Variants in SOX13 observed in about 807,000 individuals in gnomAD.
The protein encoded by SOX13 is SRY-box transcription factor 13.
In SOX13, 28 loss-of-function variants were observed where a neutral mutation model predicts 71.8. The ratio of observed to expected loss-of-function variants is 0.39; its 90% confidence interval spans 0.29 to 0.53. The LOEUF (loss-of-function observed/expected upper bound fraction) is 0.53, where lower values mean the gene tolerates loss of function less well. Among genes scored for constraint, SOX13 ranks in the 20% least tolerant of loss-of-function variants. The pLI, the probability that SOX13 is intolerant of heterozygous loss-of-function variation, is 0.70. For missense variants in SOX13, 627 were observed against 810.3 expected (o/e 0.77, Z 2.75); for synonymous variants, 309 against 317.8 (o/e 0.97, Z 0.29).
chr1:204,124,825 G>A lies in SOX13; in HGVS notation c.1560G>A (p.Arg520=). 6.3e-7 allele frequency: 1 copy of A among 1,579,914 alleles called. No individual in the cohort carries two copies. The highest frequency in any genetic ancestry group is 8.6e-7 in the Non-Finnish European group (1 of 1,163,656). ...AGTACAAGGCCCTGATGAGGACCCG[G>A]CGTCAGGATGCCCGCCAGAGCTACG... ...VGEYKALMRT[R]RQDARQSYVI... Residue 520 remains arginine (R), a synonymous_variant, in exon 13 of 14, where the codon CGG becomes CGA. Transcript: ENST00000367204.
intron 1 of SOX13, among the ~76,000 whole-genome samples, chr1:204,088,434 G>A (rs1034135785): frequency 1.2e-4 from 18 of 152,206 alleles, no homozygotes; most frequent in African/African-American, 4.3e-4. Context: ...GATTTTTCCA[G>A]GGGCTTTGTC....
At chr1:204,092,072 G>C (rs1656156712) in intron 1 of SOX13, among the ~76,000 whole-genome samples, 1 of 151,556 alleles carries the variant, frequency 6.6e-6, no homozygotes, top group Non-Finnish European at 1.5e-5. Flanking sequence ...CTTTGATGTA[G>C]GGTCTTGCTC....
chr1:204,103,094 A>G (rs558412719), intron 1 of SOX13, among the ~76,000 whole-genome samples: 33 of 152,214 alleles, frequency 2.2e-4, no homozygotes, highest in Admixed American at 1.9e-3. Flanking sequence ...CTGAACATAT[A>G]TTCTGTACCA....
At chr1:204,117,747 T>C (rs1259675709) in intron 7 of SOX13, 40 bp downstream of exon 7, 1 of 1,415,482 alleles carries the variant, frequency 7.1e-7, no homozygotes, top group South Asian at 1.2e-5. Context: ...GCGGCCAGCC[T>C]GTCCTGAGGT....
At position 204,105,966 on chromosome 1, in the gene SOX13, C is replaced by T. The variant is rs377663618; in HGVS notation, c.-1-6949C>T. Among the ~76,000 whole-genome samples the T allele has an allele frequency of 1.0e-3, 152 of 152,230 alleles. 3 individuals are homozygous for T. In the East Asian group the frequency reaches 0.013, roughly 13 times the overall value. ...GACCCAGCGTTCTTTGGCTTCTGGG[C>T]ATTTTGGGACAGTGGAGTTTGAGGT... On this transcript the variant is annotated intron_variant, in intron 1 of 13. Transcript: ENST00000367204.
At chr1:204,104,920 G>A (rs1483368393) in intron 1 of SOX13, among the ~76,000 whole-genome samples, 1 of 152,070 alleles carries the variant, frequency 6.6e-6, no homozygotes, top group Non-Finnish European at 1.5e-5. Context: ...AATCCAACAG[G>A]GTCAGTTGTT....
rs1401917613 is a variant in SOX13, at chr1:204,081,534, G to C, written c.-2+7823G>C. On this transcript the variant is annotated intron_variant, in intron 1 of 13. Transcript: ENST00000367204. This position sits in a 1 kb window ranked among gnomAD's most constrained non-coding sequence, Gnocchi z 4.3. ...GGACCCCCTGGCGGGCTCTGGGGGT[G>C]GGGGTTGGGGGGTTGCCTGGGACTC... Among the ~76,000 whole-genome samples the C allele has an allele frequency of 6.6e-6, 1 of 152,170 alleles. No individual in the cohort carries two copies. The highest frequency in any genetic ancestry group is 1.5e-5 in the Non-Finnish European group (1 of 68,036).
chr1:204,103,954 C>T (rs984650186), intron 1 of SOX13, among the ~76,000 whole-genome samples: 2 of 152,222 alleles, frequency 1.3e-5, no homozygotes, highest in Non-Finnish European at 2.9e-5. Flanking sequence ...CTGTCTCTTT[C>T]TCGACCCACT....
rs768551356 is a variant in SOX13, at chr1:204,126,527, C to A, written c.*393C>A. 1.7e-4 allele frequency: 43 copies of A among 252,272 alleles called. No individual in the cohort carries two copies. The highest frequency in any genetic ancestry group is 2.6e-4 in the Non-Finnish European group (34 of 129,192). 15.6% of individuals were successfully genotyped at this position (252,272 alleles called of 1,614,324 possible). The stretch of plus-strand genomic sequence containing the variant: ...CCTGGCTGGACCAGCCACTGTGGGA[C>A]CAACACCCCTCCCACACTCCCCCAG... On this transcript the variant is annotated 3_prime_UTR_variant, in exon 14 of 14. Coordinates refer to ENST00000367204, the MANE Select transcript of SOX13 (RefSeq NM_005686.3).
intron 1 of SOX13, among the ~76,000 whole-genome samples, chr1:204,076,878 G>C (rs186573676): frequency 1.2e-4 from 18 of 152,354 alleles, no homozygotes; most frequent in African/African-American, 4.3e-4. Flanking sequence ...TGGGATAACA[G>C]GGGAGAACAA....
Position 204,123,909 on chromosome 1 carries a change from C to A in SOX13, c.1375+105C>A. 1 of 1,316,030 alleles carries A rather than the reference C, an allele frequency of 7.6e-7. No individual in the cohort carries two copies. Among genetic ancestry groups the A allele is most frequent in the Non-Finnish European group, 1.1e-6 (1 of 949,446 alleles). 81.5% of individuals were successfully genotyped at this position (1,316,030 alleles called of 1,614,324 possible). A position where few individuals can be genotyped will look rare whatever the true frequency, so the allele number is the denominator to read the frequency against. On this transcript the variant is annotated intron_variant, in intron 12 of 13. Coordinates refer to ENST00000367204, the MANE Select transcript of SOX13 (RefSeq NM_005686.3). The surrounding 1 kb of genome is among the most constrained non-coding windows in gnomAD (Gnocchi z 5.0). Reference sequence around the variant, plus strand: ...TGATATTCCATACTGTGTTGGACTCCAGTGGAATCTGACGACAGGGGTGCA... The same window carrying A: ...TGATATTCCATACTGTGTTGGACTCAAGTGGAATCTGACGACAGGGGTGCA...
chr1:204,090,153 G>A (rs542566418), intron 1 of SOX13, among the ~76,000 whole-genome samples: 1 of 152,268 alleles, frequency 6.6e-6, no homozygotes, highest in East Asian at 1.9e-4. Context: ...GTTGTTGAAG[G>A]GCAGATTCAC....
chr1:204,089,386 C>G (rs57320836), intron 1 of SOX13, among the ~76,000 whole-genome samples: 2,437 of 152,274 alleles, frequency 0.016, 64 homozygotes, highest in African/African-American at 0.054. Flanking sequence ...GAATGGGCTT[C>G]CCTCCCACTC....
rs887265769 is a variant in SOX13 at position 204,126,481 on chromosome 1, A to G, written c.*347A>G. ...TACCGACCTGTCTCCCTGGGGTCACATGCTTTGTTTCCATTCTTGTCCTGG... is the reference window on the plus strand; with the variant it reads ...TACCGACCTGTCTCCCTGGGGTCACGTGCTTTGTTTCCATTCTTGTCCTGG... On this transcript the variant is annotated 3_prime_UTR_variant, in exon 14 of 14. Coordinates refer to ENST00000367204, the MANE Select transcript of SOX13 (RefSeq NM_005686.3). 5 of 298,970 alleles carry G rather than the reference A, an allele frequency of 1.7e-5. No homozygotes were observed. Among genetic ancestry groups the G allele is most frequent in the Admixed American group, 4.6e-5 (1 of 21,826 alleles). 18.5% of individuals were successfully genotyped at this position (298,970 alleles called of 1,614,324 possible).
rs74610932 is a variant in SOX13 at position 204,125,106 on chromosome 1, C to T, written c.1592+249C>T. Among the ~76,000 whole-genome samples the T allele has an allele frequency of 1.2e-3, 180 of 152,200 alleles. 1 individual carries two copies. Among genetic ancestry groups the T allele is most frequent in the African/African-American group, 3.9e-3 (163 of 41,506 alleles). ...AGGAATGTGACTGGAGGACTGGCCACGTGGACCTGGAGAAAGTGCCTGTAG... is the reference window on the plus strand; with the variant it reads ...AGGAATGTGACTGGAGGACTGGCCATGTGGACCTGGAGAAAGTGCCTGTAG... On this transcript the variant is annotated intron_variant, in intron 13 of 13. Transcript: ENST00000367204.
At chr1:204,100,398 G>A (rs968780325) in intron 1 of SOX13, among the ~76,000 whole-genome samples, 2 of 152,214 alleles carry the variant, frequency 1.3e-5, no homozygotes, top group African/African-American at 4.8e-5. Flanking sequence ...CTTGGTTGAT[G>A]TGGTCCTGCC....
In SOX13 at chr1:204,081,894, A is replaced by C. The variant is rs566274049; in HGVS notation, c.-2+8183A>C. ...AGGGTGGGGAAAGAAGGGGGAATAA[A>C]ATGTAGTGGGGAGGGGTGGAAGGAA... On this transcript the variant is annotated intron_variant, in intron 1 of 13. Coordinates refer to ENST00000367204, the MANE Select transcript of SOX13 (RefSeq NM_005686.3). The surrounding 1 kb of genome is among the most constrained non-coding windows in gnomAD (Gnocchi z 4.3). 6.6e-4 allele frequency among the ~76,000 whole-genome samples: 101 copies of C among 151,990 alleles called. No individual in the cohort carries two copies. Among genetic ancestry groups the C allele is most frequent in the Middle Eastern group, 3.4e-3 (1 of 294 alleles).
chr1:204,077,723 A>G (rs1286093559), intron 1 of SOX13, among the ~76,000 whole-genome samples: 1 of 152,204 alleles, frequency 6.6e-6, no homozygotes, highest in Admixed American at 6.5e-5. Context: ...TACTGGACGT[A>G]TGGATGGTTT....
Position 204,073,481 on chromosome 1 carries a change from C to A in SOX13, c.-232C>A, listed in dbSNP as rs961290989. 1.3e-5 allele frequency: 2 copies of A among 151,766 alleles called. No homozygotes were observed. Among genetic ancestry groups the A allele is most frequent in the Non-Finnish European group, 1.5e-5 (1 of 67,914 alleles). 9.4% of individuals were successfully genotyped at this position (151,766 alleles called of 1,614,324 possible). A position where few individuals can be genotyped will look rare whatever the true frequency, so the allele number is the denominator to read the frequency against. On this transcript the variant is annotated 5_prime_UTR_variant, in exon 1 of 14. Transcript: ENST00000367204. This position sits in a 1 kb window ranked among gnomAD's most constrained non-coding sequence, Gnocchi z 6.8. ...GAACCAAGCTCGCCGCCCGGGACGG[C>A]GGGCCCCGTGGGGCGCGGACCCAGG...
Sources: gnomAD v4.1 joint callset for allele counts (sites outside exome capture counted in the v4.1 genomes callset) on GRCh38, gnomAD v4.1.1 for gene constraint, Gnocchi (gnomAD v3.1) non-coding constraint, MANE v1.5 for transcripts, NCBI Gene and HGNC (gene_info 2026-07-23, HGNC 2026-07-21) for gene names.